The following SLC19A1 variants were observed in gnomAD, a reference collection of about 807,000 sequenced individuals.
SLC19A1 encodes the protein solute carrier family 19 member 1, also known as reduced folate transporter.
In SLC19A1, 37 loss-of-function variants were observed where a neutral mutation model predicts 35.3. The observed-to-expected ratio is 1.05, with a 90% CI of 0.81 to 1.38. SLC19A1 has a LOEUF of 1.38. SLC19A1 is among the 40% of genes most tolerant of loss of function. The probability of loss-of-function intolerance (pLI) is 0.00; values close to 1 mark genes in which losing one functional copy is unlikely to be tolerated. For synonymous variants in SLC19A1, 460 were observed against 398.5 expected, an observed-to-expected ratio of 1.15 and a Z score of -1.84; for missense variants, 831 against 826.9, an observed-to-expected ratio of 1.00 and a Z score of -0.06.
upstream of SLC19A1, among the ~76,000 whole-genome samples, chr21:45,548,693 G>A (rs538047539): frequency 1.1e-3 from 170 of 152,194 alleles, 1 homozygote; most frequent in Non-Finnish European, 1.8e-3. Context: ...GCAATGAGCC[G>A]AGAGCTCACC....
At position 45,530,432 on chromosome 21, in the gene SLC19A1, G is replaced by C. The variant is rs1038423578; in HGVS notation, c.1151+338C>G. On this transcript the variant is annotated intron_variant, in intron 4 of 5. Coordinates refer to ENST00000311124, the MANE Select transcript of SLC19A1 (RefSeq NM_194255.4). The surrounding 1 kb of genome is among the most constrained non-coding windows in gnomAD (Gnocchi z 5.3). ...AGTGCCTGGTGTGAGTGTAAGCTGA[G>C]GATGAACTCACACAGGTGCAAGCTC... Among the ~76,000 whole-genome samples, 1 of 152,132 alleles carries C rather than the reference G, an allele frequency of 6.6e-6. No individual in the cohort carries two copies. The highest frequency in any genetic ancestry group is 6.5e-5 in the Admixed American group (1 of 15,268).
At chr21:45,550,594 CCA>C (rs1369829943) in intron 1 of SLC19A1, among the ~76,000 whole-genome samples, 1 of 152,258 alleles carries the variant, frequency 6.6e-6, no homozygotes, top group African/African-American at 2.4e-5. Context: ...AGCCAGCTCT[CCA>C]TTCACGGTTC....
chr21:45,524,933 G>A (rs576240640), intron 5 of SLC19A1, among the ~76,000 whole-genome samples: 127 of 152,360 alleles, frequency 8.3e-4, no homozygotes, highest in Non-Finnish European at 1.5e-3. Context: ...GTACCCAGAG[G>A]GCTCTGTGGC....
At chr21:45,536,778 AG>A (rs2078126883) in intron 2 of SLC19A1, among the ~76,000 whole-genome samples, 1 of 152,172 alleles carries the variant, frequency 6.6e-6, no homozygotes, top group Non-Finnish European at 1.5e-5. Context: ...GGACGGGGTC[AG>A]CGGCTGGGAT....
intron 1 of SLC19A1, among the ~76,000 whole-genome samples, chr21:45,549,905 C>G (rs2078449378): frequency 6.6e-6 from 1 of 151,966 alleles, no homozygotes; most frequent in Non-Finnish European, 1.5e-5. Flanking sequence ...ACGTAGGTCT[C>G]CATGTGACCT....
intron 3 of SLC19A1, chr21:45,507,010 G>C: frequency 3.4e-6 from 1 of 296,866 alleles, no homozygotes; most frequent in South Asian, 3.0e-5. Flanking sequence ...ACTTTCAGGG[G>C]CTTTGGTCCT....
intron 1 of SLC19A1, among the ~76,000 whole-genome samples, chr21:45,554,931 C>T (rs939800631): frequency 5.9e-5 from 9 of 151,850 alleles, no homozygotes; most frequent in Non-Finnish European, 1.0e-4. Flanking sequence ...GAAGCAGCCC[C>T]TTTGACGACA....
intron 5 of SLC19A1, 57 bp from the exon 6 acceptor site, chr21:45,516,197 C>G: frequency 7.2e-7 from 1 of 1,383,154 alleles, no homozygotes. Context: ...ACACTGGCAC[C>G]CTACACCCCG....
upstream of SLC19A1, among the ~76,000 whole-genome samples, chr21:45,547,154 C>G (rs2078423481): frequency 6.6e-6 from 1 of 152,188 alleles, no homozygotes; most frequent in African/African-American, 2.4e-5. Flanking sequence ...CAGAAAATAT[C>G]TAAGAATGCA....
downstream of SLC19A1, among the ~76,000 whole-genome samples, chr21:45,508,048 G>GA: frequency 6.6e-6 from 1 of 151,598 alleles, no homozygotes; most frequent in Admixed American, 6.6e-5. Context: ...TACGTAGGTA[G>GA]ATGGGGAGGT....
chr21:45,504,514 CCCCCCA>C (rs2037065314), intron 3 of SLC19A1: 68 of 18,102 alleles, frequency 3.8e-3, no homozygotes, highest in Admixed American at 0.036. Flanking sequence ...GCCCCCCCGG[CCCCCCA>C]GGCCCCCCAG....
chr21:45,530,804 G>A lies in SLC19A1; in HGVS notation c.1117C>T (p.Arg373Cys), dbSNP rs1474434132. The A allele has an allele frequency of 1.3e-6, 2 of 1,566,512 alleles. No homozygotes were observed. Among genetic ancestry groups the A allele is most frequent in the Non-Finnish European group, 1.7e-6 (2 of 1,156,496 alleles). Residue 373 changes from arginine (R) to cysteine (C), a missense_variant, in exon 4 of 6, where the codon CGC becomes TGC. Transcript: ENST00000311124. The surrounding 1 kb of genome is among the most constrained non-coding windows in gnomAD (Gnocchi z 5.3). Reference protein sequence around the residue: ...WLCYAAFVLFRGSYQFLVPIA... With the variant: ...WLCYAAFVLFCGSYQFLVPIA... ...GGCACGAGGAACTGGTAGGAGCCGC[G>A]GAACAGCACGAAGGCCGCATAGCAC... is the stretch of plus-strand genomic sequence containing the variant.
In SLC19A1 at chr21:45,515,919, T is replaced by C; in HGVS notation, c.1515A>G (p.Glu505=). The change falls in exon 6 of 6, where the codon GAA becomes GAG. Residue 505 remains glutamate (E), a synonymous_variant. Coordinates refer to ENST00000311124, the MANE Select transcript of SLC19A1 (RefSeq NM_194255.4). Reference sequence around the variant, plus strand: ...CTGGCCCCACAGCCCCCAGGCTGTCTTCTGGGGAAAGCGGCGGGCTCTGGG... The same window carrying C: ...CTGGCCCCACAGCCCCCAGGCTGTCCTCTGGGGAAAGCGGCGGGCTCTGGG... ...QPAQSPPLSP[E]DSLGAVGPAS... 6.5e-7 allele frequency: 1 copy of C among 1,549,414 alleles called. No individual in the cohort carries two copies.
intron 5 of SLC19A1, among the ~76,000 whole-genome samples, chr21:45,516,847 C>T (rs1464882074): frequency 6.6e-6 from 1 of 152,182 alleles, no homozygotes; most frequent in African/African-American, 2.4e-5. Flanking sequence ...CCCTGAGGCC[C>T]CAGCTCCACA....
intron 1 of SLC19A1, among the ~76,000 whole-genome samples, chr21:45,555,846 G>A (rs1466982044): frequency 6.6e-6 from 1 of 152,144 alleles, no homozygotes; most frequent in Non-Finnish European, 1.5e-5. Flanking sequence ...GGACCCTGAG[G>A]CAGGATCCAC....
chr21:45,515,494 G>A lies in SLC19A1; in HGVS notation c.*164C>T, dbSNP rs143995592. ...CAGCTGCCCTGAGTGTCGCCAGCAC[G>A]CTGTGGCCACCGCCAGAGTGCGGCA... On this transcript the variant is annotated 3_prime_UTR_variant, in exon 6 of 6. Coordinates refer to ENST00000311124, the MANE Select transcript of SLC19A1 (RefSeq NM_194255.4). 3.6e-5 allele frequency: 54 copies of A among 1,505,804 alleles called. No individual in the cohort carries two copies. The East Asian group carries it at 8.4e-4, about 23-fold the overall frequency. The allele number at this position is 1,505,804 out of a possible 1,614,324, so 93.3% of individuals were successfully genotyped here.
At chr21:45,526,571 C>G (rs930964926) in intron 4 of SLC19A1, among the ~76,000 whole-genome samples, 1 of 152,166 alleles carries the variant, frequency 6.6e-6, no homozygotes, top group Non-Finnish European at 1.5e-5. Flanking sequence ...ATTTCAAATT[C>G]TGGATTTTTT....
In SLC19A1 at chr21:45,530,923, C is replaced by A. The variant is rs139822233; in HGVS notation, c.998G>T (p.Arg333Leu). Residue 333 changes from arginine (R) to leucine (L), a missense_variant, in exon 4 of 6, where the codon CGC becomes CTC. Transcript: ENST00000311124. The surrounding 1 kb of genome is among the most constrained non-coding windows in gnomAD (Gnocchi z 5.3). ...GCCCGCGATGAGCAGCTTGGACCAGCGCGCCCAGCGGATCTTCACGAAGCC... is the reference window on the plus strand; with the variant it reads ...GCCCGCGATGAGCAGCTTGGACCAGAGCGCCCAGCGGATCTTCACGAAGCC... ...AAGFVKIRWA[R>L]WSKLLIAGVT... 31 of 1,452,458 alleles carry A rather than the reference C, an allele frequency of 2.1e-5. No homozygotes were observed. Among genetic ancestry groups the A allele is most frequent in the Admixed American group, 2.7e-5 (1 of 37,276 alleles). The allele number at this position is 1,452,458 out of a possible 1,614,324, so 90.0% of individuals were successfully genotyped here.
rs771018565 is a variant in SLC19A1, at chr21:45,515,780, G to C, written c.1654C>G (p.Gln552Glu). ...TCTGCAGCCTCAGGGCCTGAGGCTT[G>C]GGCGGAGCACAGAGTGCAGGGGGAA... Reference protein sequence around the residue: ...TPSPCTLCSAQASGPEAADET... With the variant: ...TPSPCTLCSAEASGPEAADET... The change falls in exon 6 of 6, where the codon CAA becomes GAA. Residue 552 changes from glutamine to glutamate, a missense_variant. Physicochemically the swap from Gln to Glu is conservative, Grantham distance 29 (BLOSUM62 2). Coordinates refer to ENST00000311124, the MANE Select transcript of SLC19A1 (RefSeq NM_194255.4). 6.2e-7 allele frequency: 1 copy of C among 1,613,688 alleles called. No individual in the cohort carries two copies. The highest frequency in any genetic ancestry group is 2.2e-5 in the East Asian group (1 of 44,864).
Sources: allele counts gnomAD v4.1 joint callset (sites outside exome capture counted in the v4.1 genomes callset), GRCh38; gene constraint gnomAD v4.1.1; non-coding constraint Gnocchi (gnomAD v3.1); transcripts MANE v1.5; gene names NCBI Gene and HGNC (gene_info 2026-07-23, HGNC 2026-07-21).